Variants in ARNT2 observed in about 807,000 individuals in gnomAD.
ARNT2 encodes ARNT protein 2.
ARNT2 carries 36 observed loss-of-function variants against 91.7 expected under a neutral mutation model. The ratio of observed to expected loss-of-function variants is 0.39; its 90% CI spans 0.30 to 0.52. The LOEUF (loss-of-function observed/expected upper bound fraction) is 0.52. ARNT2 is among the 20% of genes least tolerant of loss of function. The pLI, the probability that ARNT2 is intolerant of heterozygous loss-of-function variation, is 0.72. For missense variants in ARNT2, 775 were observed against 939.3 expected, an observed-to-expected ratio of 0.83 and a Z score of 2.29; for synonymous variants, 365 against 347.1, an observed-to-expected ratio of 1.05 and a Z score of -0.57.
Position 80,514,325 on chromosome 15 carries a change from G to C in ARNT2, c.797G>C (p.Gly266Ala). 6.2e-7 allele frequency: 1 copy of C among 1,614,106 alleles called. No individual in the cohort carries two copies. Among genetic ancestry groups the C allele is most frequent in the Non-Finnish European group, 8.5e-7 (1 of 1,179,996 alleles). The stretch of plus-strand genomic sequence containing the variant: ...TCACAAATGTTCTTTTTTAGGAATG[G>C]CCTTGGCCCTGTGAAAGAAGGAGAA... ...ITTMRKRFRN[G>A]LGPVKEGEAQ... Residue 266 changes from glycine (G) to alanine (A), a missense_variant, in exon 8 of 19, where the codon GGC (glycine) becomes GCC (alanine). By Grantham distance (60) the Gly-to-Ala change is moderately conservative. This residue lies in a region of ARNT2 where 285 missense variants were observed against 327.2 expected (regional missense o/e 0.87). Coordinates refer to ENST00000303329, the MANE Select transcript of ARNT2 (RefSeq NM_014862.4).
In ARNT2 at chr15:80,597,247, C is replaced by T. The variant is rs1484072977; in HGVS notation, c.*3549C>T. On this transcript the variant is annotated 3_prime_UTR_variant, in exon 19 of 19. Coordinates refer to ENST00000303329, the MANE Select transcript of ARNT2 (RefSeq NM_014862.4). ...GGCAGCACTTTAGGCAGCCCATAAG[C>T]TATGCGAGAATGTGAACGCTCACCT... 1 of 518,468 alleles carries T rather than the reference C, an allele frequency of 1.9e-6. No homozygotes were observed. The highest frequency in any genetic ancestry group is 3.8e-6 in the Non-Finnish European group (1 of 259,828). 32.1% of individuals were successfully genotyped at this position (518,468 alleles called of 1,614,324 possible). A position where few individuals can be genotyped will look rare whatever the true frequency, so the allele number is the denominator to read the frequency against.
In ARNT2 at chr15:80,580,242, G is replaced by C; in HGVS notation, c.1614-169G>C. On this transcript the variant is annotated intron_variant, in intron 15 of 18. Transcript: ENST00000303329. The stretch of plus-strand genomic sequence containing the variant: ...GGAAGCCCTGAAGGGAGAGGAGGAC[G>C]GCCAAGGGGCTTTGAGGCTCACGAT... The C allele has an allele frequency of 3.6e-6, 3 of 824,328 alleles. No individual in the cohort carries two copies. In the South Asian group the frequency reaches 4.6e-5, roughly 13 times the overall value. 51.1% of individuals were successfully genotyped at this position (824,328 alleles called of 1,614,324 possible).
rs542337397 is a variant in ARNT2, at chr15:80,455,579, T to C, written c.147-2350T>C. 6.3e-4 allele frequency among the ~76,000 whole-genome samples: 96 copies of C among 152,228 alleles called. No individual in the cohort carries two copies. The South Asian group carries it at 0.011, about 17-fold the overall frequency. ...GGGCTGGGTAAAGAACAGAACTCTT[T>C]GCAAAAACAAAAGTGACCAACCATC... is the stretch of plus-strand genomic sequence containing the variant. On this transcript the variant is annotated intron_variant, in intron 2 of 18. Coordinates refer to ENST00000303329, the MANE Select transcript of ARNT2 (RefSeq NM_014862.4).
At position 80,554,890 on chromosome 15, in the gene ARNT2, A is replaced by G. The variant is rs370762320; in HGVS notation, c.1090-175A>G. The G allele has an allele frequency of 4.7e-3, 2,758 of 581,324 alleles. 27 individuals are homozygous for G. The highest frequency in any genetic ancestry group is 0.024 in the South Asian group (991 of 41,118). The allele number at this position is 581,324 out of a possible 1,614,324, so 36.0% of individuals were successfully genotyped here. ...AACTTAGAGTGAATACCAAGAAGCC[A>G]GTTCTCTGACGGCTCCCAGGGAAAT... is the stretch of plus-strand genomic sequence containing the variant. On this transcript the variant is annotated intron_variant, in intron 10 of 18. Transcript: ENST00000303329.
chr15:80,438,490 A>G (rs778716475), intron 1 of ARNT2, among the ~76,000 whole-genome samples: 1 of 152,234 alleles, frequency 6.6e-6, no homozygotes, highest in Non-Finnish European at 1.5e-5. Context: ...CTAAACAGAA[A>G]CAGGTAGAAA....
rs1041191831 is a variant in ARNT2, at chr15:80,510,698, G to A, written c.725+2440G>A. ...AGAAAAATTAGCTGGGTGTGGTGACGCGTGCTTGTAGTCCCTGCTACTCGG... is the reference window on the plus strand; with the variant it reads ...AGAAAAATTAGCTGGGTGTGGTGACACGTGCTTGTAGTCCCTGCTACTCGG... On this transcript the variant is annotated intron_variant, in intron 6 of 18. Coordinates refer to ENST00000303329, the MANE Select transcript of ARNT2 (RefSeq NM_014862.4). 4.0e-5 allele frequency among the ~76,000 whole-genome samples: 6 copies of A among 151,006 alleles called. No homozygotes were observed. The South Asian group carries it at 6.2e-4, about 16-fold the overall frequency.
intron 3 of ARNT2, among the ~76,000 whole-genome samples, chr15:80,462,234 C>G (rs751629496): frequency 2.6e-5 from 4 of 152,072 alleles, no homozygotes; most frequent in Non-Finnish European, 5.9e-5. Context: ...TTCCAGGACA[C>G]CTTCTCATAC....
chr15:80,415,024 G>A (rs1895757878), intron 1 of ARNT2, among the ~76,000 whole-genome samples: 1 of 152,220 alleles, frequency 6.6e-6, no homozygotes, highest in Non-Finnish European at 1.5e-5. Context: ...GAACAGAGGA[G>A]AATGTAGACC....
chr15:80,533,073 CA>C (rs1897764345), intron 8 of ARNT2, among the ~76,000 whole-genome samples: 1 of 152,172 alleles, frequency 6.6e-6, no homozygotes, highest in Admixed American at 6.5e-5. Context: ...GCTCCATGGC[CA>C]GGGGCTGTTG....
At chr15:80,521,198 A>T (rs949924496) in intron 8 of ARNT2, among the ~76,000 whole-genome samples, 1 of 152,158 alleles carries the variant, frequency 6.6e-6, no homozygotes, top group Admixed American at 6.5e-5. Flanking sequence ...CAAAGAACAG[A>T]TTTTATATTT....
rs1328964473 is a variant in ARNT2, at chr15:80,591,807, T to C, written c.2055+103T>C. 5 of 1,546,766 alleles carry C rather than the reference T, an allele frequency of 3.2e-6. No individual in the cohort carries two copies. The African/African-American group carries it at 5.4e-5, about 17-fold the overall frequency. On this transcript the variant is annotated intron_variant, in intron 18 of 18. Coordinates refer to ENST00000303329, the MANE Select transcript of ARNT2 (RefSeq NM_014862.4). The surrounding 1 kb of genome is among the most constrained non-coding windows in gnomAD (Gnocchi z 5.1). ...ACCACCGCCTGCCCGATAGCCGTCG[T>C]GAGTTCTGGCCCAGCCTGGGCTCGA... is the stretch of plus-strand genomic sequence containing the variant.
chr15:80,561,790 T>C (rs1373235815), intron 11 of ARNT2, among the ~76,000 whole-genome samples: 1 of 152,206 alleles, frequency 6.6e-6, no homozygotes, highest in Non-Finnish European at 1.5e-5. Flanking sequence ...ATCAACAGTA[T>C]CTTAAGACTT....
In ARNT2 at chr15:80,591,604, G is replaced by C; in HGVS notation, c.1955G>C (p.Arg652Pro). The change falls in exon 18 of 19, where the codon CGG becomes CCG. Residue 652 changes from arginine to proline, a missense_variant. Arg to Pro is a moderately radical substitution (Grantham distance 103). Transcript: ENST00000303329. The surrounding 1 kb of genome is among the most constrained non-coding windows in gnomAD (Gnocchi z 5.1). ...SGQSSGQFQG[R>P]PSEVWSQWQS... is the part of the protein sequence containing the mutation. ...CAAAGTAGCGGGCAGTTCCAAGGGC[G>C]GCCCTCGGAAGTCTGGTCGCAGTGG... The C allele has an allele frequency of 6.2e-7, 1 of 1,614,154 alleles. No homozygotes were observed. Among genetic ancestry groups the C allele is most frequent in the South Asian group, 1.1e-5 (1 of 91,082 alleles).
At chr15:80,503,173 G>A (rs553078723) in intron 5 of ARNT2, among the ~76,000 whole-genome samples, 1 of 152,320 alleles carries the variant, frequency 6.6e-6, no homozygotes, top group East Asian at 1.9e-4. Context: ...CTCTCTACTG[G>A]GAGCCGGTAG....
At chr15:80,530,821 A>AAT (rs2141441382) in intron 8 of ARNT2, among the ~76,000 whole-genome samples, 1 of 152,250 alleles carries the variant, frequency 6.6e-6, no homozygotes, top group East Asian at 1.9e-4. Context: ...TATCTTCCAA[A>AAT]ATTAGTCCCC....
chr15:80,457,796 G>A, intron 2 of ARNT2, 133 bp from the exon 3 acceptor site: 1 of 897,338 alleles, frequency 1.1e-6, no homozygotes, highest in Non-Finnish European at 1.7e-6. Context: ...GATATTGCTT[G>A]TAGCACTGCC....
intron 2 of ARNT2, among the ~76,000 whole-genome samples, chr15:80,457,638 A>G (rs769817403): frequency 3.9e-5 from 6 of 152,234 alleles, no homozygotes; most frequent in Non-Finnish European, 8.8e-5. Context: ...ATTGTCTGCT[A>G]AGAGTTCTAA....
chr15:80,439,691 A>G (rs755698699), intron 1 of ARNT2, among the ~76,000 whole-genome samples: 1 of 152,216 alleles, frequency 6.6e-6, no homozygotes, highest in Non-Finnish European at 1.5e-5. Flanking sequence ...GACAGTCAAC[A>G]TGCATCTTGG....
chr15:80,530,228 C>T (rs1365740306), intron 8 of ARNT2, among the ~76,000 whole-genome samples: 1 of 152,190 alleles, frequency 6.6e-6, no homozygotes, highest in Non-Finnish European at 1.5e-5. Context: ...GAATGTTTAG[C>T]TTTGCTGCAG....
Sources: gnomAD v4.1 joint callset for allele counts (sites outside exome capture counted in the v4.1 genomes callset) on GRCh38, gnomAD v4.1.1 for gene constraint, gnomAD v4.1.1 regional missense constraint, Gnocchi (gnomAD v3.1) non-coding constraint, MANE v1.5 for transcripts, NCBI Gene and HGNC (gene_info 2026-07-23, HGNC 2026-07-21) for gene names.